Variants in PLCB1 observed in about 807,000 individuals in gnomAD.
PLCB1 encodes phospholipase C beta 1.
A neutral mutation model predicts 161.8 loss-of-function variants in PLCB1; 46 were observed. The ratio of observed to expected loss-of-function variants is 0.28; its 90% CI spans 0.22 to 0.36. The LOEUF is 0.36. PLCB1 is among the 10% of genes least tolerant of loss of function. The probability of loss-of-function intolerance (pLI) is 1.00; values close to 1 mark genes in which losing one functional copy is unlikely to be tolerated. For synonymous variants in PLCB1, 517 were observed against 503.7 expected, an observed-to-expected ratio of 1.03 and a Z score of -0.35; for missense variants, 1,016 against 1,472.5, an observed-to-expected ratio of 0.69 and a Z score of 5.07.
intron 3 of PLCB1, among the ~76,000 whole-genome samples, chr20:8,459,047 A>G (rs1981453842): frequency 6.6e-6 from 1 of 152,226 alleles, no homozygotes; most frequent in Admixed American, 6.5e-5. Context: ...GGGTTTTAGC[A>G]AAGTTTCTGA....
intron 9 of PLCB1, among the ~76,000 whole-genome samples, chr20:8,661,172 C>CT (rs1313988974): frequency 2.0e-5 from 3 of 152,086 alleles, no homozygotes; most frequent in African/African-American, 7.2e-5. Context: ...ATTTCTGGGC[C>CT]TTAAACTTTC....
intron 31 of PLCB1, among the ~76,000 whole-genome samples, chr20:8,817,427 C>T (rs1464329441): frequency 2.0e-5 from 3 of 152,096 alleles, no homozygotes; most frequent in Non-Finnish European, 4.4e-5. Context: ...CTGGTCCTCA[C>T]TGGGGGGTTT....
chr20:8,426,262 A>G (rs971407351), intron 3 of PLCB1, among the ~76,000 whole-genome samples: 1 of 152,248 alleles, frequency 6.6e-6, no homozygotes, highest in Non-Finnish European at 1.5e-5. Context: ...GACAAGGCCT[A>G]AAATCAATCA....
intron 13 of PLCB1, among the ~76,000 whole-genome samples, chr20:8,716,566 C>G (rs1009476493): frequency 3.9e-5 from 6 of 152,218 alleles, no homozygotes; most frequent in African/African-American, 1.4e-4. Context: ...CTCTCGCTGG[C>G]TGCCTGATGA....
chr20:8,636,179 G>C (rs868292222), intron 4 of PLCB1, among the ~76,000 whole-genome samples: 5 of 152,150 alleles, frequency 3.3e-5, no homozygotes, highest in Admixed American at 1.3e-4. Flanking sequence ...TAGAATACAT[G>C]TGCCAAAAAG....
intron 21 of PLCB1, among the ~76,000 whole-genome samples, chr20:8,740,012 A>G (rs1212951971): frequency 1.3e-5 from 2 of 152,142 alleles, no homozygotes; most frequent in Non-Finnish European, 2.9e-5. Flanking sequence ...AAAAAATAAT[A>G]ATAACAATTT....
intron 3 of PLCB1, among the ~76,000 whole-genome samples, chr20:8,543,118 A>T (rs1359166839): frequency 6.6e-6 from 1 of 152,140 alleles, no homozygotes; most frequent in East Asian, 1.9e-4. Flanking sequence ...CCCACCCCAG[A>T]TCTATTGGAT....
At chr20:8,212,396 A>G (rs1978873185) in intron 2 of PLCB1, among the ~76,000 whole-genome samples, 3 of 152,122 alleles carry the variant, frequency 2.0e-5, no homozygotes, top group African/African-American at 7.2e-5. Context: ...TTTATTCTAA[A>G]TACAATTGAC....
In PLCB1 at chr20:8,820,408, A is replaced by G. The variant is rs78407441; in HGVS notation, c.3423+30147A>G. 6.8e-3 allele frequency among the ~76,000 whole-genome samples: 1,028 copies of G among 152,234 alleles called. 12 individuals carry two copies. The highest frequency in any genetic ancestry group is 0.024 in the African/African-American group (997 of 41,548). On this transcript the variant is annotated intron_variant, in intron 31 of 31. Transcript: ENST00000338037. ...CTCAAGCTCATTAGTAATCAAAGAAATGCACATTGAAACCACAGTGTTATA... is the reference window on the plus strand; with the variant it reads ...CTCAAGCTCATTAGTAATCAAAGAAGTGCACATTGAAACCACAGTGTTATA...
At chr20:8,142,323 C>G (rs922511882) in intron 1 of PLCB1, among the ~76,000 whole-genome samples, 2 of 152,168 alleles carry the variant, frequency 1.3e-5, no homozygotes, top group African/African-American at 4.8e-5. Context: ...ACACCTTGCT[C>G]CTTGTCCTTC....
chr20:8,568,646 A>T (rs1986414690), intron 3 of PLCB1, among the ~76,000 whole-genome samples: 1 of 148,840 alleles, frequency 6.7e-6, no homozygotes, highest in South Asian at 2.1e-4. Context: ...AGAAAAGTGA[A>T]CTGCTTTATT....
At chr20:8,567,837 TA>T (rs1986385823) in intron 3 of PLCB1, among the ~76,000 whole-genome samples, 1 of 152,190 alleles carries the variant, frequency 6.6e-6, no homozygotes, top group Non-Finnish European at 1.5e-5. Flanking sequence ...TTGAAGTTGT[TA>T]AAAATTTTTA....
chr20:8,604,191 T>TGCA (rs1198700846), intron 3 of PLCB1, among the ~76,000 whole-genome samples: 1 of 140,264 alleles, frequency 7.1e-6, no homozygotes, highest in East Asian at 2.1e-4. Flanking sequence ...AAGTGGAGGT[T>TGCA]GCAGTGAGCC....
intron 31 of PLCB1, among the ~76,000 whole-genome samples, chr20:8,835,127 G>A (rs763385643): frequency 6.6e-6 from 1 of 151,816 alleles, no homozygotes; most frequent in Admixed American, 6.6e-5. Flanking sequence ...ACCATAACAG[G>A]AGAGGAGTTG....
intron 9 of PLCB1, among the ~76,000 whole-genome samples, chr20:8,668,872 T>C (rs1989879888): frequency 1.3e-5 from 2 of 152,206 alleles, no homozygotes; most frequent in South Asian, 2.1e-4. Flanking sequence ...CACCTCACTT[T>C]GCAGCTTTAA....
At chr20:8,320,765 G>T (rs1345531802) in intron 2 of PLCB1, among the ~76,000 whole-genome samples, 2 of 130,286 alleles carry the variant, frequency 1.5e-5, no homozygotes, top group Non-Finnish European at 3.1e-5. Context: ...CAGTTTTAAT[G>T]CAAAATACTT....
chr20:8,404,058 CT>C (rs11087798), intron 3 of PLCB1, among the ~76,000 whole-genome samples: 36,739 of 151,950 alleles, frequency 0.24, 4,761 homozygotes, highest in East Asian at 0.39. Flanking sequence ...GAAATTGTGG[CT>C]TTTATCTATT....
At chr20:8,419,593 C>T (rs1486682862) in intron 3 of PLCB1, among the ~76,000 whole-genome samples, 2 of 152,184 alleles carry the variant, frequency 1.3e-5, no homozygotes, top group African/African-American at 4.8e-5. Flanking sequence ...TTCTCCCCAA[C>T]TGTAGGCTAA....
At chr20:8,734,106 C>T (rs1403346914) in intron 19 of PLCB1, among the ~76,000 whole-genome samples, 12 of 109,596 alleles carry the variant, frequency 1.1e-4, no homozygotes, top group Non-Finnish European at 1.8e-4. Context: ...CCAGCCTGGG[C>T]GACAGAGCGA....
Sources: gnomAD v4.1 joint callset for allele counts (sites outside exome capture counted in the v4.1 genomes callset) on GRCh38, gnomAD v4.1.1 for gene constraint, MANE v1.5 for transcripts, NCBI Gene and HGNC (gene_info 2026-07-23, HGNC 2026-07-21) for gene names.